IQCM: variants seen among roughly 807,000 people sequenced by gnomAD.
The protein encoded by IQCM is IQ domain-containing protein M.
A neutral mutation model predicts 57.6 loss-of-function variants in IQCM; 45 were observed. That is an observed-to-expected ratio of 0.78 (90% CI 0.62 to 1.00). IQCM has a LOEUF of 1.00. Among genes scored for constraint, IQCM ranks in the 50% least tolerant of loss-of-function variants. IQCM has a pLI of 0.00. For missense variants in IQCM, 468 were observed against 511.6 expected (o/e 0.91, Z 0.82); for synonymous variants, 148 against 158.9 (o/e 0.93, Z 0.51).
chr4:149,637,415 T>A (rs1757825561), intron 7 of IQCM, among the ~76,000 whole-genome samples: 2 of 152,152 alleles, frequency 1.3e-5, no homozygotes. Context: ...ACTATGCTCA[T>A]GGATTGAAGA....
intron 2 of IQCM, among the ~76,000 whole-genome samples, chr4:149,756,058 A>C (rs935235217): frequency 3.9e-5 from 6 of 152,218 alleles, no homozygotes; most frequent in Non-Finnish European, 7.3e-5. Flanking sequence ...AATAAAAAAT[A>C]AAATCTCAAG....
At position 149,630,716 on chromosome 4, in the gene IQCM, G is replaced by T. The variant is rs543440679; in HGVS notation, c.566-9472C>A. Among the ~76,000 whole-genome samples, 15 of 152,252 alleles carry T rather than the reference G, an allele frequency of 9.9e-5. No individual in the cohort carries two copies. The South Asian group carries it at 3.1e-3, about 32-fold the overall frequency. ...AAGACTTTTAGGAAAGTAATTGTCAGTAATAAAAGTCTTTTAAATGTTCAT... is the reference window on the plus strand; with the variant it reads ...AAGACTTTTAGGAAAGTAATTGTCATTAATAAAAGTCTTTTAAATGTTCAT... On this transcript the variant is annotated intron_variant, in intron 7 of 13. Coordinates refer to ENST00000636793, the MANE Select transcript of IQCM (RefSeq NM_001363507.2).
In IQCM at chr4:149,492,931, A is replaced by C. The variant is rs540184780; in HGVS notation, c.1228+55524T>G. 1.3e-4 allele frequency among the ~76,000 whole-genome samples: 20 copies of C among 152,268 alleles called. No individual in the cohort carries two copies. In the South Asian group the frequency reaches 3.7e-3, roughly 28 times the overall value. ...CAGAGATCCTCCCAGTCAGGAAGTCATCTGACCCCTGACTGCATGTGGCCC... is the reference window on the plus strand; with the variant it reads ...CAGAGATCCTCCCAGTCAGGAAGTCCTCTGACCCCTGACTGCATGTGGCCC... On this transcript the variant is annotated intron_variant, in intron 12 of 13. Transcript: ENST00000636793.
intron 13 of IQCM, among the ~76,000 whole-genome samples, chr4:149,366,925 C>G (rs775319337): frequency 6.6e-6 from 1 of 151,834 alleles, no homozygotes; most frequent in Admixed American, 6.6e-5. Flanking sequence ...AATTGCAAAA[C>G]GGATTTGAAA....
At chr4:149,717,867 C>A (rs550668832) in intron 5 of IQCM, among the ~76,000 whole-genome samples, 43 of 152,148 alleles carry the variant, frequency 2.8e-4, no homozygotes, top group Non-Finnish European at 3.8e-4. Flanking sequence ...CTTTAATAAC[C>A]GGTTTATGGT....
At chr4:149,639,345 G>A (rs1757988686) in intron 7 of IQCM, among the ~76,000 whole-genome samples, 1 of 151,522 alleles carries the variant, frequency 6.6e-6, no homozygotes, top group South Asian at 2.1e-4. Flanking sequence ...AGGATTACTT[G>A]AGCCCGGGAG....
At chr4:149,365,975 T>TAAATAAA (rs1729802215) in intron 13 of IQCM, among the ~76,000 whole-genome samples, 1 of 152,130 alleles carries the variant, frequency 6.6e-6, no homozygotes, top group African/African-American at 2.4e-5. Context: ...AATTATAAGG[T>TAAATAAA]ACAAATGTTA....
intron 12 of IQCM, among the ~76,000 whole-genome samples, chr4:149,494,094 C>G (rs1030902292): frequency 4.0e-5 from 6 of 151,162 alleles, no homozygotes; most frequent in African/African-American, 1.5e-4. Context: ...TATAAAAACT[C>G]TTGTCCAAAC....
chr4:149,770,399 C>T (rs1161646439), intron 2 of IQCM, among the ~76,000 whole-genome samples: 3 of 152,010 alleles, frequency 2.0e-5, no homozygotes, highest in Non-Finnish European at 4.4e-5. Flanking sequence ...ACACAGCTCT[C>T]CAGAAAATTG....
chr4:149,505,826 A>G (rs1743755633), intron 12 of IQCM, among the ~76,000 whole-genome samples: 1 of 152,184 alleles, frequency 6.6e-6, no homozygotes, highest in Non-Finnish European at 1.5e-5. Flanking sequence ...CCACATTTAT[A>G]TAATCATGTA....
intron 2 of IQCM, among the ~76,000 whole-genome samples, chr4:149,768,954 A>G (rs1370687980): frequency 2.0e-5 from 3 of 152,116 alleles, no homozygotes; most frequent in Non-Finnish European, 4.4e-5. Flanking sequence ...CATTTAAGCT[A>G]TCTGAGGTAA....
chr4:149,729,429 G>T lies in IQCM; in HGVS notation c.385+3815C>A, dbSNP rs1766251416. On this transcript the variant is annotated intron_variant, in intron 5 of 13. Coordinates refer to ENST00000636793, the MANE Select transcript of IQCM (RefSeq NM_001363507.2). ...TATTTGCTTCCAGTTAATTCTGCCTGACAATAACCACACTCAAAGTCTTTT... is the reference window on the plus strand; with the variant it reads ...TATTTGCTTCCAGTTAATTCTGCCTTACAATAACCACACTCAAAGTCTTTT... Among the ~76,000 whole-genome samples, 3 of 151,650 alleles carry T rather than the reference G, an allele frequency of 2.0e-5. No homozygotes were observed. In the South Asian group the frequency reaches 6.2e-4, roughly 32 times the overall value.
At chr4:149,585,309 T>C (rs372205626) in intron 9 of IQCM, among the ~76,000 whole-genome samples, 15 of 151,688 alleles carry the variant, frequency 9.9e-5, no homozygotes, top group East Asian at 3.9e-4. Flanking sequence ...GAAAAATATA[T>C]GGGAAATTCC....
chr4:149,628,800 T>C (rs1345292995), intron 7 of IQCM, among the ~76,000 whole-genome samples: 2 of 152,150 alleles, frequency 1.3e-5, no homozygotes, highest in South Asian at 4.1e-4. Context: ...ATTTAATATG[T>C]ATTCAAGAAG....
chr4:149,550,753 G>T (rs972068622), intron 11 of IQCM, among the ~76,000 whole-genome samples: 15 of 152,080 alleles, frequency 9.9e-5, no homozygotes, highest in Admixed American at 6.6e-4. Context: ...ATCAACACAC[G>T]GAAAGGATGA....
At chr4:149,759,884 G>T (rs1052231595) in intron 2 of IQCM, among the ~76,000 whole-genome samples, 1 of 151,854 alleles carries the variant, frequency 6.6e-6, no homozygotes, top group African/African-American at 2.4e-5. Context: ...ATAGAAGAAA[G>T]AAATTTAAAG....
At chr4:149,368,131 T>C (rs934837888) in intron 13 of IQCM, among the ~76,000 whole-genome samples, 5 of 152,080 alleles carry the variant, frequency 3.3e-5, no homozygotes, top group African/African-American at 1.2e-4. Flanking sequence ...AAGTCATTTG[T>C]CTTCTCTTTT....
At chr4:149,419,766 A>G (rs1363673886) in intron 13 of IQCM, among the ~76,000 whole-genome samples, 1 of 152,178 alleles carries the variant, frequency 6.6e-6, no homozygotes, top group Non-Finnish European at 1.5e-5. Flanking sequence ...AATATCCAGA[A>G]TCTACAAGAA....
At chr4:149,495,958 G>T (rs1311592608) in intron 12 of IQCM, among the ~76,000 whole-genome samples, 3 of 152,030 alleles carry the variant, frequency 2.0e-5, no homozygotes, top group Non-Finnish European at 2.9e-5. Flanking sequence ...TCTGAGTATT[G>T]TGTGTTTCAC....
Sources: gnomAD v4.1 joint callset for allele counts (sites outside exome capture counted in the v4.1 genomes callset) on GRCh38, gnomAD v4.1.1 for gene constraint, MANE v1.5 for transcripts, NCBI Gene and HGNC (gene_info 2026-07-23, HGNC 2026-07-21) for gene names.